ZNF804B: variants seen among roughly 807,000 people sequenced by gnomAD.
ZNF804B encodes zinc finger 804B.
ZNF804B carries 80 observed loss-of-function variants against 101.4 expected under a neutral mutation model. That is an observed-to-expected ratio of 0.79 (90% CI 0.66 to 0.95). The LOEUF (loss-of-function observed/expected upper bound fraction) is 0.95. Ranked by LOEUF, ZNF804B falls within the 40% of genes least tolerant of loss-of-function variation. The pLI is 0.00. For synonymous variants in ZNF804B, 622 were observed against 558.8 expected (o/e 1.11, Z -1.59); for missense variants, 1,673 against 1,561.9 (o/e 1.07, Z -1.20).
chr7:88,989,972 T>C (rs1793820922), intron 1 of ZNF804B, among the ~76,000 whole-genome samples: 1 of 151,996 alleles, frequency 6.6e-6, no homozygotes, highest in Admixed American at 6.6e-5. Context: ...TTTTTTCTTA[T>C]GAAGACAACA....
chr7:89,080,980 T>C (rs1301374918), intron 1 of ZNF804B, among the ~76,000 whole-genome samples: 1 of 151,946 alleles, frequency 6.6e-6, no homozygotes, highest in African/African-American at 2.4e-5. Context: ...GCTTGATGCA[T>C]TCCAAATATT....
At chr7:89,092,168 T>A (rs1789899099) in intron 1 of ZNF804B, among the ~76,000 whole-genome samples, 1 of 151,394 alleles carries the variant, frequency 6.6e-6, no homozygotes, top group South Asian at 2.1e-4. Context: ...TTTAGCTGTA[T>A]CCTCACATGG....
chr7:89,324,090 G>C (rs1790861974), intron 2 of ZNF804B, among the ~76,000 whole-genome samples: 1 of 151,078 alleles, frequency 6.6e-6, no homozygotes, highest in Admixed American at 6.6e-5. Flanking sequence ...ACTTTTGGAA[G>C]GGTCTTTTAT....
At chr7:88,983,183 G>C (rs1255547006) in intron 1 of ZNF804B, among the ~76,000 whole-genome samples, 1 of 152,044 alleles carries the variant, frequency 6.6e-6, no homozygotes, top group African/African-American at 2.4e-5. Flanking sequence ...CTGGAAGCTT[G>C]CTAGCAATGA....
chr7:88,934,713 T>A (rs1371693647), intron 1 of ZNF804B, among the ~76,000 whole-genome samples: 1 of 151,910 alleles, frequency 6.6e-6, no homozygotes, highest in African/African-American at 2.4e-5. Context: ...CCTGCAAAAG[T>A]GGTAACAATT....
intron 2 of ZNF804B, among the ~76,000 whole-genome samples, chr7:89,246,667 C>T (rs781261904): frequency 6.6e-6 from 1 of 152,104 alleles, no homozygotes; most frequent in Non-Finnish European, 1.5e-5. Context: ...GATCATGATG[C>T]AGTAGGGTCC....
intron 1 of ZNF804B, among the ~76,000 whole-genome samples, chr7:88,819,111 A>G (rs1052808746): frequency 2.0e-5 from 3 of 151,682 alleles, no homozygotes; most frequent in African/African-American, 7.3e-5. Flanking sequence ...GTATATCCAC[A>G]TTTTCTTTTT....
chr7:89,025,160 G>A (rs1788729932), intron 1 of ZNF804B, among the ~76,000 whole-genome samples: 1 of 152,040 alleles, frequency 6.6e-6, no homozygotes, highest in African/African-American at 2.4e-5. Context: ...CATAAACTGA[G>A]TTTGAGTTAG....
chr7:89,219,980 C>CGCACAT (rs1554380173), intron 2 of ZNF804B, among the ~76,000 whole-genome samples: 3 of 25,228 alleles, frequency 1.2e-4, no homozygotes, highest in African/African-American at 5.7e-4. Flanking sequence ...TATGTATATA[C>CGCACAT]ATATGTGTGC....
At position 88,953,601 on chromosome 7, in the gene ZNF804B, G is replaced by A. The variant is rs539062353; in HGVS notation, c.108+193517G>A. Among the ~76,000 whole-genome samples the A allele has an allele frequency of 6.1e-4, 93 of 151,790 alleles. 1 individual carries two copies. Among genetic ancestry groups the A allele is most frequent in the Middle Eastern group, 3.4e-3 (1 of 294 alleles). The stretch of plus-strand genomic sequence containing the variant: ...TTGTTTAGATAATTTTAGCACAGAG[G>A]CAATGCCTAATAAGTAAATACTGAA... On this transcript the variant is annotated intron_variant, in intron 1 of 3. Coordinates refer to ENST00000333190, the MANE Select transcript of ZNF804B (RefSeq NM_181646.5).
intron 1 of ZNF804B, among the ~76,000 whole-genome samples, chr7:88,980,215 T>C (rs140888085): frequency 3.3e-5 from 5 of 152,190 alleles, no homozygotes; most frequent in African/African-American, 1.2e-4. Context: ...CTCTGCATTA[T>C]GTTGAATTTT....
At chr7:88,932,266 T>C (rs1315233846) in intron 1 of ZNF804B, among the ~76,000 whole-genome samples, 3 of 151,782 alleles carry the variant, frequency 2.0e-5, no homozygotes, top group African/African-American at 7.2e-5. Flanking sequence ...ATTTCCTAGT[T>C]CATAGCATTA....
chr7:89,268,336 A>G (rs950970738), intron 2 of ZNF804B, among the ~76,000 whole-genome samples: 16 of 152,098 alleles, frequency 1.1e-4, no homozygotes, highest in Non-Finnish European at 1.9e-4. Context: ...CTTTTTTAAA[A>G]CATCTAGGGA....
chr7:88,873,785 T>C (rs1791878750), intron 1 of ZNF804B, among the ~76,000 whole-genome samples: 1 of 152,188 alleles, frequency 6.6e-6, no homozygotes, highest in African/African-American at 2.4e-5. Context: ...GTCATAGATA[T>C]GCGGCATTAT....
At chr7:89,172,052 T>C (rs1266721162) in intron 1 of ZNF804B, among the ~76,000 whole-genome samples, 1 of 152,094 alleles carries the variant, frequency 6.6e-6, no homozygotes, top group Non-Finnish European at 1.5e-5. Context: ...TGTCATGGTC[T>C]CATCAAACCC....
chr7:89,336,981 A>G lies in ZNF804B; in HGVS notation c.3999A>G (p.Gln1333=). The stretch of plus-strand genomic sequence containing the variant: ...ATCATTCTTGCTCTAGCCAGATGCA[A>G]CAGCTAAATGAAGTGAAAGAGGCCT... ...FCHHSCSSQM[Q]QLNEVKEALN... Residue 1333 remains glutamine, a synonymous_variant, in exon 4 of 4, where the codon CAA becomes CAG. Coordinates refer to ENST00000333190, the MANE Select transcript of ZNF804B (RefSeq NM_181646.5). The G allele has an allele frequency of 5.0e-6, 8 of 1,614,096 alleles. No homozygotes were observed. The highest frequency in any genetic ancestry group is 6.8e-6 in the Non-Finnish European group (8 of 1,179,988).
chr7:88,895,669 C>T (rs1792273787), intron 1 of ZNF804B, among the ~76,000 whole-genome samples: 2 of 152,138 alleles, frequency 1.3e-5, no homozygotes, highest in Admixed American at 1.3e-4. Context: ...ACTATCCTGT[C>T]TTGTCTTGTG....
At chr7:89,220,425 C>G (rs1457208475) in intron 2 of ZNF804B, among the ~76,000 whole-genome samples, 1 of 151,554 alleles carries the variant, frequency 6.6e-6, no homozygotes, top group Non-Finnish European at 1.5e-5. Flanking sequence ...TAGGATCTAG[C>G]AATCTATATT....
At chr7:89,268,036 A>C (rs904019850) in intron 2 of ZNF804B, among the ~76,000 whole-genome samples, 1 of 152,124 alleles carries the variant, frequency 6.6e-6, no homozygotes, top group Non-Finnish European at 1.5e-5. Context: ...CCCACATTTC[A>C]CTTTGCTCTT....
Sources: gnomAD v4.1 joint callset for allele counts (sites outside exome capture counted in the v4.1 genomes callset) on GRCh38, gnomAD v4.1.1 for gene constraint, MANE v1.5 for transcripts, NCBI Gene and HGNC (gene_info 2026-07-23, HGNC 2026-07-21) for gene names.